Variants in BANP observed in about 807,000 individuals in gnomAD.
BANP encodes BTG3 associated nuclear protein.
Under a neutral mutation model 68.1 loss-of-function variants are expected in BANP, and 11 were observed. That is an observed-to-expected ratio of 0.16 (90% confidence interval 0.10 to 0.27). BANP has a LOEUF of 0.27. Among genes scored for constraint, BANP ranks in the 10% least tolerant of loss-of-function variants. The probability of loss-of-function intolerance (pLI) is 1.00; values close to 1 mark genes in which losing one functional copy is unlikely to be tolerated. For synonymous variants in BANP, 329 were observed against 303.2 expected, an observed-to-expected ratio of 1.09 and a Z score of -0.88; for missense variants, 504 against 722.7, an observed-to-expected ratio of 0.70 and a Z score of 3.47.
chr16:88,032,491 C>T (rs13335137), intron 8 of BANP, among the ~76,000 whole-genome samples: 17,865 of 152,182 alleles, frequency 0.12, 1,264 homozygotes, highest in South Asian at 0.36. Flanking sequence ...TGTGAGCCAC[C>T]GTGTCCGGAC....
intron 9 of BANP, among the ~76,000 whole-genome samples, chr16:88,034,559 C>T (rs1387546309): frequency 2.0e-5 from 3 of 151,428 alleles, no homozygotes; most frequent in Non-Finnish European, 4.4e-5. Flanking sequence ...ACGTTGCCTG[C>T]CCTGTTGTGA....
intron 11 of BANP, among the ~76,000 whole-genome samples, chr16:88,039,269 C>T (rs187918335): frequency 0.013 from 1,892 of 150,636 alleles, 35 homozygotes; most frequent in African/African-American, 0.04. Flanking sequence ...GAATGCGCAG[C>T]TTTTAAATCC....
intron 2 of BANP, 123 bp downstream of exon 2, chr16:87,975,308 G>C: frequency 1.0e-6 from 1 of 980,670 alleles, no homozygotes; most frequent in Non-Finnish European, 1.6e-6. Context: ...CGTATGAAAA[G>C]TTTGAATCCT....
intron 1 of BANP, among the ~76,000 whole-genome samples, chr16:87,968,196 T>G (rs2060439604): frequency 6.6e-6 from 1 of 151,796 alleles, no homozygotes; most frequent in Admixed American, 6.6e-5. Context: ...ATTAGGAAAT[T>G]TAGTTGGCTG....
intron 1 of BANP, among the ~76,000 whole-genome samples, chr16:87,956,050 C>T (rs57315861): frequency 0.25 from 37,270 of 151,978 alleles, 5,121 homozygotes; most frequent in East Asian, 0.49. Flanking sequence ...GGGCTCCAGG[C>T]ACAGGTGCTG....
At chr16:87,950,599 C>G (rs747284255), upstream of BANP, 10 of 152,126 alleles carry the variant, frequency 6.6e-5, no homozygotes, top group Non-Finnish European at 1.3e-4. Flanking sequence ...CCACGCCCGG[C>G]ATAATTTTGT....
At chr16:88,031,548 C>T (rs2078169234) in intron 8 of BANP, among the ~76,000 whole-genome samples, 1 of 151,440 alleles carries the variant, frequency 6.6e-6, no homozygotes, top group Non-Finnish European at 1.5e-5. Context: ...ACTTGGAAGG[C>T]TGAGGCAGGA....
At chr16:88,067,647 G>T (rs1054637263) in intron 12 of BANP, among the ~76,000 whole-genome samples, 1 of 151,928 alleles carries the variant, frequency 6.6e-6, no homozygotes. Context: ...ATTCAGAGCC[G>T]CTCCCCAGTG....
In BANP at chr16:88,066,192, A is replaced by G. The variant is rs149528281; in HGVS notation, c.1377+860A>G. On this transcript the variant is annotated intron_variant, in intron 12 of 13. Transcript: ENST00000682872. ...TTTCCTCATGAAGGGGTCCCCTGCC[A>G]GGGGATCCCTCAGGTACACAGCTTT... is the stretch of plus-strand genomic sequence containing the variant. 1.5e-3 allele frequency among the ~76,000 whole-genome samples: 226 copies of G among 152,308 alleles called. 2 individuals carry two copies. The highest frequency in any genetic ancestry group is 5.4e-3 in the African/African-American group (223 of 41,570).
intron 1 of BANP, among the ~76,000 whole-genome samples, chr16:87,964,711 G>A (rs1048530081): frequency 3.5e-5 from 3 of 84,556 alleles, no homozygotes; most frequent in South Asian, 2.5e-4. Flanking sequence ...TGAGACGGCC[G>A]TATGTGAGCA....
At chr16:87,976,944 C>T (rs951883963) in intron 2 of BANP, among the ~76,000 whole-genome samples, 5 of 152,202 alleles carry the variant, frequency 3.3e-5, no homozygotes, top group African/African-American at 1.2e-4. Flanking sequence ...GTTCCAGTTA[C>T]ATCATTTTTG....
intron 9 of BANP, 83 bp downstream of exon 9, chr16:88,033,328 C>G: frequency 7.3e-7 from 1 of 1,365,508 alleles, no homozygotes; most frequent in South Asian, 1.8e-5. Context: ...TCCACCGGTT[C>G]CGCTGTGTTT....
intron 3 of BANP, among the ~76,000 whole-genome samples, chr16:87,981,895 T>G (rs1201273908): frequency 6.6e-6 from 1 of 152,242 alleles, no homozygotes; most frequent in Non-Finnish European, 1.5e-5. Flanking sequence ...TTGGTTCCAG[T>G]GTTTGCAGAG....
At chr16:88,046,068 C>G (rs1323471356) in intron 11 of BANP, among the ~76,000 whole-genome samples, 1 of 152,250 alleles carries the variant, frequency 6.6e-6, no homozygotes, top group Non-Finnish European at 1.5e-5. Context: ...CACACTGGCA[C>G]TGGTGCCCAG....
intron 11 of BANP, among the ~76,000 whole-genome samples, chr16:88,049,189 G>T (rs1329574252): frequency 6.6e-6 from 1 of 152,162 alleles, no homozygotes; most frequent in East Asian, 1.9e-4. Flanking sequence ...TGCAAGTTCG[G>T]GCCTCAGAAC....
chr16:88,030,571 A>G (rs2077961965), intron 8 of BANP, among the ~76,000 whole-genome samples: 1 of 152,222 alleles, frequency 6.6e-6, no homozygotes, highest in African/African-American at 2.4e-5. Context: ...ACTGCCAGAT[A>G]TGTTGGCCTG....
At position 88,036,934 on chromosome 16, in the gene BANP, C is replaced by T. The variant is rs953467490; in HGVS notation, c.1273-1039C>T. ...CAGGAGTTGGGGGCCTGAGTGGCTG[C>T]GAGGTGCAGGATCCCAGCAGCACCT... is the stretch of plus-strand genomic sequence containing the variant. On this transcript the variant is annotated intron_variant, in intron 10 of 13. Transcript: ENST00000682872. The surrounding 1 kb of genome is among the most constrained non-coding windows in gnomAD (Gnocchi z 4.2). Among the ~76,000 whole-genome samples the T allele has an allele frequency of 7.9e-5, 12 of 152,030 alleles. No homozygotes were observed. Among genetic ancestry groups the T allele is most frequent in the African/African-American group, 2.9e-4 (12 of 41,408 alleles).
chr16:88,001,290 A>G (rs2069231820), intron 4 of BANP, among the ~76,000 whole-genome samples: 1 of 105,994 alleles, frequency 9.4e-6, no homozygotes, highest in South Asian at 2.8e-4. Flanking sequence ...ACACGTCAAC[A>G]TGCACGCACG....
In BANP at chr16:88,036,280, A is replaced by G. The variant is rs1300225662; in HGVS notation, c.1272+886A>G. 2.6e-5 allele frequency among the ~76,000 whole-genome samples: 4 copies of G among 152,170 alleles called. No individual in the cohort carries two copies. Among genetic ancestry groups the G allele is most frequent in the South Asian group, 2.1e-4 (1 of 4,826 alleles). Reference sequence around the variant, plus strand: ...AGTAGTGTGTCGCTGCAAAGATCTCAGGCTTCCCCACACACACCAGCAGCA... The same window carrying G: ...AGTAGTGTGTCGCTGCAAAGATCTCGGGCTTCCCCACACACACCAGCAGCA... On this transcript the variant is annotated intron_variant, in intron 10 of 13. Transcript: ENST00000682872. The surrounding 1 kb of genome is among the most constrained non-coding windows in gnomAD (Gnocchi z 4.2).
Sources: allele counts gnomAD v4.1 joint callset (sites outside exome capture counted in the v4.1 genomes callset), GRCh38; gene constraint gnomAD v4.1.1; non-coding constraint Gnocchi (gnomAD v3.1); transcripts MANE v1.5; gene names NCBI Gene and HGNC (gene_info 2026-07-23, HGNC 2026-07-21).